Variants in ZNF595 observed in about 807,000 individuals in gnomAD.
The protein encoded by ZNF595 is zinc finger protein 595.
Under a neutral mutation model 19.4 loss-of-function variants are expected in ZNF595, and 9 were observed. The observed-to-expected ratio is 0.46, with a 90% confidence interval of 0.28 to 0.81. The LOEUF is 0.81. Among genes scored for constraint, ZNF595 ranks in the 30% least tolerant of loss-of-function variants. ZNF595 has a pLI of 0.11. For synonymous variants in ZNF595, 255 were observed against 255.9 expected (o/e 1.00, Z 0.03); for missense variants, 729 against 736.0 (o/e 0.99, Z 0.11).
rs781801131 is a variant in ZNF595 at position 87,254 on chromosome 4, A to T, written c.1750A>T (p.Arg584Ter). The T allele has an allele frequency of 1.3e-5, 21 of 1,594,832 alleles. No homozygotes were observed. The Admixed American group carries it at 2.5e-4, about 19-fold the overall frequency. The change falls in exon 4 of 4, where the codon AGA becomes TGA. Residue 584 changes from arginine (R) to a stop codon, truncating the protein, a stop_gained. Coordinates refer to ENST00000610261, the MANE Select transcript of ZNF595 (RefSeq NM_182524.4). LOFTEE classifies it high-confidence loss of function. ...ATCCTCAACCCTTACTAAACATAAGAGAATTCATACTGGAGAGAAACCCTT... is the reference window on the plus strand; with the variant it reads ...ATCCTCAACCCTTACTAAACATAAGTGAATTCATACTGGAGAGAAACCCTT... ...NLSSTLTKHK[R>*]IHTGEKPFTC...
At position 87,944 on chromosome 4, in the gene ZNF595, A is replaced by T. The variant is rs1392694748; in HGVS notation, c.*493A>T. 1.3e-5 allele frequency: 2 copies of T among 151,198 alleles called. No individual in the cohort carries two copies. Among genetic ancestry groups the T allele is most frequent in the African/African-American group, 4.9e-5 (2 of 41,050 alleles). The allele number at this position is 151,198 out of a possible 1,614,324, so 9.4% of individuals were successfully genotyped here. A position where few individuals can be genotyped will look rare whatever the true frequency, so the allele number is the denominator to read the frequency against. On this transcript the variant is annotated 3_prime_UTR_variant, in exon 4 of 4. Transcript: ENST00000610261. ...ACAATGCTGGCCAGGCTGTTCTCGAACTCCTGAGCTCATGATCCACCCACC... is the reference window on the plus strand; with the variant it reads ...ACAATGCTGGCCAGGCTGTTCTCGATCTCCTGAGCTCATGATCCACCCACC...
intron 3 of ZNF595, among the ~76,000 whole-genome samples, chr4:70,975 A>T (rs1316165375): frequency 6.6e-6 from 1 of 152,208 alleles, no homozygotes; most frequent in Non-Finnish European, 1.5e-5. Context: ...CTTTTTATTC[A>T]TGAACATAAA....
intron 3 of ZNF595, among the ~76,000 whole-genome samples, chr4:73,641 C>T (rs1428281433): frequency 1.3e-5 from 2 of 152,180 alleles, no homozygotes; most frequent in Non-Finnish European, 2.9e-5. Context: ...ACTAACCCAC[C>T]TCCTCTTTTC....
intron 3 of ZNF595, among the ~76,000 whole-genome samples, chr4:67,687 T>G (rs1581334677): frequency 3.2e-4 from 48 of 150,810 alleles, no homozygotes; most frequent in African/African-American, 1.1e-3. Context: ...ACTCTTCATT[T>G]GATAATATAT....
chr4:79,092 C>T (rs972060106), intron 3 of ZNF595, among the ~76,000 whole-genome samples: 1 of 152,144 alleles, frequency 6.6e-6, no homozygotes, highest in African/African-American at 2.4e-5. Flanking sequence ...AAATTTAATA[C>T]CTTATAAACA....
intron 3 of ZNF595, among the ~76,000 whole-genome samples, chr4:82,371 G>GTTTTTTTTTTTTTTTTTTTTT (rs1560092266): frequency 2.0e-5 from 2 of 97,714 alleles, no homozygotes; most frequent in Non-Finnish European, 4.2e-5. Flanking sequence ...TTTGGTTTGT[G>GTTTTTTTTTTTTTTTTTTTTT]GTTTTTTTTT....
In ZNF595 at chr4:85,896, A is replaced by G. The variant is rs1714120161; in HGVS notation, c.392A>G (p.Asn131Ser). The G allele has an allele frequency of 2.5e-6, 4 of 1,614,058 alleles. No homozygotes were observed. The highest frequency in any genetic ancestry group is 2.2e-5 in the East Asian group (1 of 44,852). The change falls in exon 4 of 4, where the codon AAT (asparagine) becomes AGT (serine). Residue 131 changes from asparagine (N) to serine (S), a missense_variant. Around this residue, in one of 2 missense-constraint regions of ZNF595, gnomAD observed 729 missense variants for 675.3 expected, o/e 1.08. Transcript: ENST00000610261. Reference sequence around the variant, plus strand: ...TGTAAGGTGCAGAAAGGAGTTAATAATGGAGTTTACCAGTGCTTGTCAACT... The same window carrying G: ...TGTAAGGTGCAGAAAGGAGTTAATAGTGGAGTTTACCAGTGCTTGTCAACT... The part of the protein sequence containing the change: ...NECKVQKGVN[N>S]GVYQCLSTTQ...
At chr4:84,802 G>A (rs182362216) in intron 3 of ZNF595, among the ~76,000 whole-genome samples, 39 of 151,852 alleles carry the variant, frequency 2.6e-4, no homozygotes, top group African/African-American at 7.2e-4. Flanking sequence ...CGTTTTCATC[G>A]ATACCTCATT....
chr4:75,269 A>G (rs1713601333), intron 3 of ZNF595, among the ~76,000 whole-genome samples: 1 of 152,240 alleles, frequency 6.6e-6, no homozygotes, highest in Non-Finnish European at 1.5e-5. Flanking sequence ...TAAAGAATAA[A>G]AGTTTGCTTA....
chr4:68,696 A>G (rs1381482721), intron 3 of ZNF595, among the ~76,000 whole-genome samples: 2 of 152,272 alleles, frequency 1.3e-5, no homozygotes, highest in African/African-American at 4.8e-5. Context: ...CATGAAATGC[A>G]CAAAAATAAC....
chr4:79,491 T>G (rs1266640188), intron 3 of ZNF595, among the ~76,000 whole-genome samples: 1 of 152,202 alleles, frequency 6.6e-6, no homozygotes, highest in Non-Finnish European at 1.5e-5. Flanking sequence ...ACTGTCTTTT[T>G]CCAGCTGTGT....
intron 3 of ZNF595, among the ~76,000 whole-genome samples, chr4:71,763 C>T (rs1015471228): frequency 2.6e-5 from 4 of 152,164 alleles, no homozygotes; most frequent in Non-Finnish European, 4.4e-5. Context: ...TTTAGAGACA[C>T]ATTGCTGGTC....
rs1007729802 is a variant in ZNF595 at position 73,117 on chromosome 4, A to G, written c.227-12614A>G. On this transcript the variant is annotated intron_variant, in intron 3 of 3. Coordinates refer to ENST00000610261, the MANE Select transcript of ZNF595 (RefSeq NM_182524.4). Reference sequence around the variant, plus strand: ...CCTAGATATTGTCAAATAAATTCCAATGAGGTAAGAAGTGACTTTATTCTG... The same window carrying G: ...CCTAGATATTGTCAAATAAATTCCAGTGAGGTAAGAAGTGACTTTATTCTG... Among the ~76,000 whole-genome samples the G allele has an allele frequency of 3.9e-5, 6 of 152,258 alleles. No homozygotes were observed. The East Asian group carries it at 5.8e-4, about 15-fold the overall frequency.
intron 1 of ZNF595, among the ~76,000 whole-genome samples, chr4:55,227 T>C (rs1252726667): frequency 1.3e-5 from 2 of 150,964 alleles, no homozygotes; most frequent in Admixed American, 1.3e-4. Context: ...TCTTCTGCTT[T>C]TTCCTTCCCC....
At chr4:81,689 C>A (rs797040303) in intron 3 of ZNF595, among the ~76,000 whole-genome samples, 4 of 152,280 alleles carry the variant, frequency 2.6e-5, no homozygotes, top group African/African-American at 9.6e-5. Flanking sequence ...AAACAACTGA[C>A]TACCTTTTCT....
At position 86,017 on chromosome 4, in the gene ZNF595, A is replaced by C. The variant is rs538298138; in HGVS notation, c.513A>C (p.Lys171Asn). Residue 171 changes from lysine to asparagine, a missense_variant, in exon 4 of 4, where the codon AAA becomes AAC. Transcript: ENST00000610261. Reference protein sequence around the residue: ...NKHKIRHTGEKPFKCTECGRS... With the variant: ...NKHKIRHTGENPFKCTECGRS... The stretch of plus-strand genomic sequence containing the variant: ...ATAAGATAAGACATACTGGAGAGAA[A>C]CCCTTTAAATGTACAGAATGTGGCA... 192 of 1,608,922 alleles carry C rather than the reference A, an allele frequency of 1.2e-4. No homozygotes were observed. The African/African-American group carries it at 2.2e-3, about 19-fold the overall frequency.
chr4:69,619 G>A (rs1298518844), intron 3 of ZNF595, among the ~76,000 whole-genome samples: 1 of 152,040 alleles, frequency 6.6e-6, no homozygotes, highest in Non-Finnish European at 1.5e-5. Flanking sequence ...CTGTTTATGT[G>A]CCTTACGTAT....
Position 88,056 on chromosome 4 carries a change from C to G in ZNF595, c.*605C>G, listed in dbSNP as rs1414486745. On this transcript the variant is annotated 3_prime_UTR_variant, in exon 4 of 4. Coordinates refer to ENST00000610261, the MANE Select transcript of ZNF595 (RefSeq NM_182524.4). The stretch of plus-strand genomic sequence containing the variant: ...TTTTAAATGTGCAATTATTTTTTTA[C>G]TACAGGTTATTTTATGATTATAATA... The G allele has an allele frequency of 1.3e-5, 2 of 151,526 alleles. No individual in the cohort carries two copies. Among genetic ancestry groups the G allele is most frequent in the Non-Finnish European group, 2.9e-5 (2 of 68,006 alleles). 9.4% of individuals were successfully genotyped at this position (151,526 alleles called of 1,614,324 possible).
chr4:64,709 C>A (rs1581328586), intron 3 of ZNF595, among the ~76,000 whole-genome samples: 1 of 152,312 alleles, frequency 6.6e-6, no homozygotes, highest in East Asian at 1.9e-4. Context: ...GATATGGGGT[C>A]TGCCTTTGAT....
Sources: gnomAD v4.1 joint callset for allele counts (sites outside exome capture counted in the v4.1 genomes callset) on GRCh38, gnomAD v4.1.1 for gene constraint, gnomAD v4.1.1 regional missense constraint, MANE v1.5 for transcripts, NCBI Gene and HGNC (gene_info 2026-07-23, HGNC 2026-07-21) for gene names.